Variants in TNRC6A observed in about 807,000 individuals in gnomAD.
TNRC6A encodes the protein trinucleotide repeat-containing gene 6A protein.
A neutral mutation model predicts 221.2 loss-of-function variants in TNRC6A; 44 were observed. The observed-to-expected ratio is 0.20, with a 90% CI of 0.16 to 0.26. TNRC6A has a LOEUF of 0.26. Among genes scored for constraint, TNRC6A ranks in the 10% least tolerant of loss-of-function variants. The probability of loss-of-function intolerance (pLI) is 1.00; values close to 1 mark genes in which losing one functional copy is unlikely to be tolerated. For synonymous variants in TNRC6A, 847 were observed against 838.5 expected (o/e 1.01, Z -0.18); for missense variants, 2,199 against 2,404.4 (o/e 0.91, Z 1.79).
intron 2 of TNRC6A, among the ~76,000 whole-genome samples, chr16:24,733,779 G>C (rs951276576): frequency 2.6e-5 from 4 of 152,224 alleles, no homozygotes; most frequent in African/African-American, 9.7e-5. Flanking sequence ...TGATGTGATA[G>C]AATAATCTTC....
At chr16:24,723,092 C>T (rs1463595670) in intron 2 of TNRC6A, among the ~76,000 whole-genome samples, 1 of 152,146 alleles carries the variant, frequency 6.6e-6, no homozygotes, top group Admixed American at 6.5e-5. Flanking sequence ...GGAGATATTA[C>T]GTGGGCCCAT....
chr16:24,799,047 G>T (rs2151941815), intron 11 of TNRC6A, among the ~76,000 whole-genome samples: 1 of 152,194 alleles, frequency 6.6e-6, no homozygotes, highest in East Asian at 1.9e-4. Flanking sequence ...TCGCTACGGA[G>T]CTACCAGAGG....
intron 2 of TNRC6A, among the ~76,000 whole-genome samples, chr16:24,674,475 A>T (rs891997146): frequency 7.9e-5 from 12 of 152,288 alleles, no homozygotes; most frequent in African/African-American, 2.6e-4. Context: ...ACAGTGAGTT[A>T]TCAGTTTGCC....
intron 3 of TNRC6A, among the ~76,000 whole-genome samples, chr16:24,755,921 A>G (rs2057240415): frequency 6.6e-6 from 1 of 152,172 alleles, no homozygotes; most frequent in African/African-American, 2.4e-5. Context: ...GTAGTGTTGT[A>G]TAGTTTTTCA....
At chr16:24,810,292 C>T (rs1253231938) in intron 18 of TNRC6A, among the ~76,000 whole-genome samples, 1 of 152,084 alleles carries the variant, frequency 6.6e-6, no homozygotes, top group Non-Finnish European at 1.5e-5. Flanking sequence ...AATCGAGTAT[C>T]TTCTGCTTTC....
At chr16:24,750,595 T>A in intron 2 of TNRC6A, 131 bp from the exon 3 acceptor site, 1 of 1,175,016 alleles carries the variant, frequency 8.5e-7, no homozygotes. Context: ...GTGTTTTATT[T>A]CAATGAATGA....
chr16:24,643,129 TATATATATAAAA>T (rs1902083312), intron 2 of TNRC6A, among the ~76,000 whole-genome samples: 1 of 43,676 alleles, frequency 2.3e-5, no homozygotes, highest in Non-Finnish European at 4.8e-5. Flanking sequence ...ATATAAAATA[TATATATATAAAA>T]AATCCATCCC....
At chr16:24,777,716 CTG>C (rs1260699140) in intron 5 of TNRC6A, among the ~76,000 whole-genome samples, 1 of 152,156 alleles carries the variant, frequency 6.6e-6, no homozygotes, top group Non-Finnish European at 1.5e-5. Context: ...CGTTGTGAGA[CTG>C]AGTTCTTACC....
intron 2 of TNRC6A, among the ~76,000 whole-genome samples, chr16:24,696,851 C>T (rs1398380703): frequency 6.6e-6 from 1 of 151,734 alleles, no homozygotes; most frequent in South Asian, 2.1e-4. Context: ...AGAACTAGCT[C>T]TTCCCTTTAG....
At position 24,789,456 on chromosome 16, in the gene TNRC6A, G is replaced by T. The variant is rs1356616929; in HGVS notation, c.814G>T (p.Ala272Ser). ...SESERNITIM[A>S]SGNTGGEKDG... Reference sequence around the variant, plus strand: ...ATCAGAGAGAAACATCACTATCATGGCTTCAGGGAACACAGGTGGTGAAAA... The same window carrying T: ...ATCAGAGAGAAACATCACTATCATGTCTTCAGGGAACACAGGTGGTGAAAA... The change falls in exon 6 of 25, where the codon GCT (alanine) becomes TCT (serine). Residue 272 changes from alanine (A) to serine (S), a missense_variant. Ala to Ser is a moderately conservative substitution (Grantham distance 99, BLOSUM62 1). Coordinates refer to ENST00000395799, the MANE Select transcript of TNRC6A (RefSeq NM_014494.4). The T allele has an allele frequency of 6.2e-7, 1 of 1,614,206 alleles. No individual in the cohort carries two copies.
At chr16:24,780,646 A>G (rs1294276251) in intron 5 of TNRC6A, among the ~76,000 whole-genome samples, 1 of 152,218 alleles carries the variant, frequency 6.6e-6, no homozygotes, top group South Asian at 2.1e-4. Context: ...GGCGAAGGAA[A>G]GAGAGAGAAT....
intron 2 of TNRC6A, among the ~76,000 whole-genome samples, chr16:24,700,627 TG>T (rs1366891917): frequency 7.9e-5 from 12 of 152,158 alleles, no homozygotes; most frequent in East Asian, 3.9e-4. Context: ...TGAACCCTAA[TG>T]ACCTATGGAT....
chr16:24,727,066 G>A (rs1246477914), upstream of TNRC6A, among the ~76,000 whole-genome samples: 1 of 129,976 alleles, frequency 7.7e-6, no homozygotes, highest in African/African-American at 2.9e-5. Context: ...TTTCACTGTT[G>A]TTGCCCAGGC....
chr16:24,736,199 G>A (rs986920414), intron 2 of TNRC6A, among the ~76,000 whole-genome samples: 1 of 152,144 alleles, frequency 6.6e-6, no homozygotes, highest in Non-Finnish European at 1.5e-5. Flanking sequence ...CTAACCTTAA[G>A]CAAAATTGGA....
intron 2 of TNRC6A, among the ~76,000 whole-genome samples, chr16:24,645,834 C>CAAAAAAAAAAAAAA (rs36106864): frequency 0.011 from 304 of 26,634 alleles, 81 homozygotes; most frequent in Non-Finnish European, 0.015. Context: ...CCTGTATCTA[C>CAAAAAAAAAAAAAA]AAAAAAAAAA....
At chr16:24,724,759 A>C (rs2056465364), upstream of TNRC6A, among the ~76,000 whole-genome samples, 1 of 152,112 alleles carries the variant, frequency 6.6e-6, no homozygotes, top group Non-Finnish European at 1.5e-5. Context: ...ATAATAAATA[A>C]ATAAATAAAT....
chr16:24,776,517 A>G (rs1029737013), intron 4 of TNRC6A: 8 of 985,360 alleles, frequency 8.1e-6, no homozygotes, highest in Non-Finnish European at 9.6e-6. Flanking sequence ...CACATTAACA[A>G]TGAGGCAGAA....
intron 1 of TNRC6A, among the ~76,000 whole-genome samples, chr16:24,636,695 G>A (rs905451312): frequency 8.6e-5 from 13 of 152,044 alleles, no homozygotes; most frequent in African/African-American, 3.1e-4. Context: ...ATATTGAACT[G>A]TTTTGACAGT....
chr16:24,646,151 CT>C (rs1252233685), intron 2 of TNRC6A, among the ~76,000 whole-genome samples: 1 of 152,030 alleles, frequency 6.6e-6, no homozygotes, highest in Non-Finnish European at 1.5e-5. Context: ...GTTTTTCTTT[CT>C]TTAGAGCTTG....
Sources: allele counts gnomAD v4.1 joint callset (sites outside exome capture counted in the v4.1 genomes callset), GRCh38; gene constraint gnomAD v4.1.1; transcripts MANE v1.5; gene names NCBI Gene and HGNC (gene_info 2026-07-23, HGNC 2026-07-21).